DLGAP2: variants seen among roughly 807,000 people sequenced by gnomAD.
DLGAP2 encodes disks large-associated protein 2.
A neutral mutation model predicts 100.3 loss-of-function variants in DLGAP2; 26 were observed. The ratio of observed to expected loss-of-function variants is 0.26; its 90% CI spans 0.19 to 0.36. DLGAP2 has a LOEUF of 0.36. Among genes scored for constraint, DLGAP2 ranks in the 10% least tolerant of loss-of-function variants. The probability of loss-of-function intolerance (pLI) is 1.00; values close to 1 mark genes in which losing one functional copy is unlikely to be tolerated. For missense variants in DLGAP2, 1,858 were observed against 1,453.2 expected (o/e 1.28, Z -4.53); for synonymous variants, 886 against 630.1 (o/e 1.41, Z -6.08).
intron 1 of DLGAP2, among the ~76,000 whole-genome samples, chr8:779,495 G>T (rs528098281): frequency 1.4e-5 from 2 of 140,422 alleles, no homozygotes; most frequent in African/African-American, 5.4e-5. Flanking sequence ...ACAGGGTCTT[G>T]CTCTGTCGCC....
At chr8:1,174,276 C>A (rs745466088) in intron 2 of DLGAP2, among the ~76,000 whole-genome samples, 9 of 151,602 alleles carry the variant, frequency 5.9e-5, no homozygotes, top group Admixed American at 1.3e-4. Context: ...ACCATCACCA[C>A]CATCATCACC....
At chr8:1,538,576 G>C (rs1219500471) in intron 4 of DLGAP2, among the ~76,000 whole-genome samples, 1 of 152,206 alleles carries the variant, frequency 6.6e-6, no homozygotes, top group Non-Finnish European at 1.5e-5. Context: ...TGCAGGTACA[G>C]AACAGATAGG....
intron 3 of DLGAP2, among the ~76,000 whole-genome samples, chr8:1,416,782 G>C (rs893002688): frequency 1.9e-4 from 29 of 152,202 alleles, no homozygotes; most frequent in Admixed American, 1.9e-3. Context: ...CCTGGGGGCG[G>C]AATGTGGCTC....
At chr8:1,618,011 G>A (rs746562710) in intron 6 of DLGAP2, among the ~76,000 whole-genome samples, 1 of 152,148 alleles carries the variant, frequency 6.6e-6, no homozygotes, top group Non-Finnish European at 1.5e-5. Flanking sequence ...CATTAAGGGT[G>A]CAACATTTAA....
rs755235555 is a variant in DLGAP2, at chr8:1,549,038, G to C, written c.585G>C (p.Gln195His). Residue 195 changes from glutamine to histidine, a missense_variant, in exon 5 of 15, where the codon CAG (glutamine) becomes CAC (histidine). Gln to His is a conservative substitution (Grantham distance 24). Transcript: ENST00000637795. ...INRIPANLLDQFEKQLPLHRD... is the reference protein window; with the variant it reads ...INRIPANLLDHFEKQLPLHRD... ...GCATCCCGGCCAACCTGCTGGACCA[G>C]TTCGAGAAGCAGCTGCCGCTGCACC... The C allele has an allele frequency of 1.3e-6, 2 of 1,594,586 alleles. No individual in the cohort carries two copies. Among genetic ancestry groups the C allele is most frequent in the East Asian group, 2.3e-5 (1 of 44,386 alleles).
At chr8:1,021,506 G>A (rs1174079785) in intron 2 of DLGAP2, among the ~76,000 whole-genome samples, 1 of 152,180 alleles carries the variant, frequency 6.6e-6, no homozygotes, top group Non-Finnish European at 1.5e-5. Flanking sequence ...TTATGGGAGT[G>A]ATTTCCCCTA....
intron 3 of DLGAP2, among the ~76,000 whole-genome samples, chr8:1,437,942 C>T (rs1318624427): frequency 6.6e-6 from 1 of 151,742 alleles, no homozygotes; most frequent in Non-Finnish European, 1.5e-5. Context: ...ACCGAGATTG[C>T]ACCACTGCAC....
intron 6 of DLGAP2, among the ~76,000 whole-genome samples, chr8:1,598,010 A>G (rs560682291): frequency 6.6e-6 from 1 of 152,314 alleles, no homozygotes; most frequent in African/African-American, 2.4e-5. Context: ...TGGGTTTGTC[A>G]TAAATAGCTC....
chr8:1,200,492 C>T (rs1486676827), intron 2 of DLGAP2, among the ~76,000 whole-genome samples: 1 of 152,168 alleles, frequency 6.6e-6, no homozygotes, highest in South Asian at 2.1e-4. Context: ...TGGCCTCGTG[C>T]TCCTCGGGGG....
intron 2 of DLGAP2, among the ~76,000 whole-genome samples, chr8:1,187,012 G>A (rs1209095726): frequency 6.6e-6 from 1 of 152,074 alleles, no homozygotes; most frequent in Admixed American, 6.5e-5. Flanking sequence ...CCCGGCCTCA[G>A]TGCAGGTGGC....
intron 3 of DLGAP2, among the ~76,000 whole-genome samples, chr8:1,352,450 A>G (rs1796176508): frequency 1.3e-5 from 2 of 152,182 alleles, no homozygotes; most frequent in South Asian, 4.2e-4. Flanking sequence ...TCCTGGGGTC[A>G]CCGCTGGGTC....
chr8:1,028,157 G>T (rs1400335721), intron 2 of DLGAP2, among the ~76,000 whole-genome samples: 3 of 139,078 alleles, frequency 2.2e-5, no homozygotes, highest in African/African-American at 8.2e-5. Context: ...CTCCAGGTGG[G>T]GTACCAGGCG....
chr8:906,488 G>A (rs1423962061), intron 1 of DLGAP2, among the ~76,000 whole-genome samples: 1 of 152,190 alleles, frequency 6.6e-6, no homozygotes, highest in Non-Finnish European at 1.5e-5. Flanking sequence ...TGAGACAGAG[G>A]GCAGATCTGC....
In DLGAP2 at chr8:1,363,318, G is replaced by C. The variant is rs879697115; in HGVS notation, c.106+104435G>C. On this transcript the variant is annotated intron_variant, in intron 3 of 14. Transcript: ENST00000637795. ...CCTGCCTCTGCCTTGCAGGTCCCAC[G>C]CCCGTGGCATGCTTGCGGCTGTCTC... 3.3e-4 allele frequency among the ~76,000 whole-genome samples: 50 copies of C among 152,208 alleles called. 1 individual carries two copies. Among genetic ancestry groups the C allele is most frequent in the Admixed American group, 3.3e-3 (50 of 15,292 alleles).
At chr8:767,529 G>A (rs980350260) in intron 1 of DLGAP2, among the ~76,000 whole-genome samples, 2 of 151,996 alleles carry the variant, frequency 1.3e-5, no homozygotes, top group Non-Finnish European at 2.9e-5. Flanking sequence ...GCTAATTTTT[G>A]TATTTTTAGT....
intron 2 of DLGAP2, among the ~76,000 whole-genome samples, chr8:1,219,148 C>T (rs752154567): frequency 3.9e-5 from 6 of 152,116 alleles, no homozygotes; most frequent in Non-Finnish European, 8.8e-5. Flanking sequence ...CAAGGACTTC[C>T]AGTACTATGT....
At chr8:1,376,900 C>T (rs907353587) in intron 3 of DLGAP2, among the ~76,000 whole-genome samples, 2 of 152,202 alleles carry the variant, frequency 1.3e-5, no homozygotes, top group Non-Finnish European at 2.9e-5. Flanking sequence ...AGGCCCACAT[C>T]GAAGGATTTG....
intron 12 of DLGAP2, among the ~76,000 whole-genome samples, chr8:1,683,183 C>CAG (rs1470086906): frequency 1.3e-5 from 2 of 151,608 alleles, no homozygotes; most frequent in African/African-American, 4.8e-5. Context: ...CTTAAAAACT[C>CAG]AGAGGTCTCA....
intron 1 of DLGAP2, among the ~76,000 whole-genome samples, chr8:833,027 G>C (rs900597720): frequency 1.2e-4 from 18 of 152,218 alleles, no homozygotes; most frequent in Admixed American, 1.0e-3. Context: ...TGCAAACCCA[G>C]TAAACATCTG....
Sources: allele counts gnomAD v4.1 joint callset (sites outside exome capture counted in the v4.1 genomes callset), GRCh38; gene constraint gnomAD v4.1.1; transcripts MANE v1.5; gene names NCBI Gene and HGNC (gene_info 2026-07-23, HGNC 2026-07-21).